SUGCT: variants seen among roughly 807,000 people sequenced by gnomAD.
SUGCT encodes the protein succinyl-CoA:glutarate-CoA transferase, also known as succinyl-CoA:glutarate CoA-transferase.
In SUGCT, 41 loss-of-function variants were observed where a neutral mutation model predicts 55.0. The ratio of observed to expected loss-of-function variants is 0.74; its 90% CI spans 0.58 to 0.97. The LOEUF is 0.97. Among genes scored for constraint, SUGCT ranks in the 50% least tolerant of loss-of-function variants. SUGCT has a pLI of 0.00. For synonymous variants in SUGCT, 187 were observed against 200.4 expected (o/e 0.93, Z 0.56); for missense variants, 568 against 547.8 (o/e 1.04, Z -0.37).
At chr7:40,367,928 T>G (rs1784094647) in intron 9 of SUGCT, among the ~76,000 whole-genome samples, 1 of 152,070 alleles carries the variant, frequency 6.6e-6, no homozygotes, top group Admixed American at 6.6e-5. Flanking sequence ...ACCATTCTCC[T>G]CCTCCTTCAT....
At chr7:40,913,098 C>T in the SUGCT span, among the ~76,000 whole-genome samples, 3 of 149,800 alleles carry the variant, frequency 2.0e-5, no homozygotes, top group African/African-American at 7.4e-5. Flanking sequence ...GCAACCTCTG[C>T]CTCCCGGGTT....
chr7:40,660,299 C>A (rs528726412), intron 12 of SUGCT, among the ~76,000 whole-genome samples: 1 of 152,222 alleles, frequency 6.6e-6, no homozygotes, highest in East Asian at 1.9e-4. Flanking sequence ...TGCTCTGTCA[C>A]CCAGGCTGGA....
intron 7 of SUGCT, among the ~76,000 whole-genome samples, chr7:40,250,397 CT>C (rs113538451): frequency 0.13 from 18,424 of 144,620 alleles, 1,279 homozygotes; most frequent in Non-Finnish European, 0.18. Flanking sequence ...AAGATCTTGT[CT>C]TTTTTTTTTT....
chr7:40,658,060 G>C (rs181266383), intron 12 of SUGCT, among the ~76,000 whole-genome samples: 21 of 152,222 alleles, frequency 1.4e-4, no homozygotes, highest in African/African-American at 4.8e-4. Context: ...AACAACTTAG[G>C]TGAAAGGGAA....
At chr7:40,556,046 A>C (rs1795546833) in intron 12 of SUGCT, among the ~76,000 whole-genome samples, 1 of 152,110 alleles carries the variant, frequency 6.6e-6, no homozygotes, top group Non-Finnish European at 1.5e-5. Context: ...AGGGGAGTGT[A>C]TTGGTCTCAT....
chr7:40,859,721 A>G (rs1328430070), intron 13 of SUGCT, among the ~76,000 whole-genome samples: 1 of 152,242 alleles, frequency 6.6e-6, no homozygotes, highest in Non-Finnish European at 1.5e-5. Flanking sequence ...AATTCATCCA[A>G]GATGGCTCTG....
chr7:40,242,923 ATATATATATATTT>A (rs1467944654), intron 7 of SUGCT, among the ~76,000 whole-genome samples: 2 of 25,288 alleles, frequency 7.9e-5, no homozygotes, highest in African/African-American at 2.8e-4. Context: ...ATATATATAT[ATATATATATATTT>A]TTTTTTTTTT....
chr7:40,436,885 A>C (rs1788205443), intron 9 of SUGCT, among the ~76,000 whole-genome samples: 1 of 152,158 alleles, frequency 6.6e-6, no homozygotes, highest in Non-Finnish European at 1.5e-5. Context: ...TTGCTGAAAA[A>C]TCAATATGGT....
chr7:40,942,388 C>T, the SUGCT span, among the ~76,000 whole-genome samples: 15 of 152,126 alleles, frequency 9.9e-5, no homozygotes, highest in African/African-American at 3.6e-4. Flanking sequence ...AAAGATAGGA[C>T]CCCAGTCCCT....
the SUGCT span, among the ~76,000 whole-genome samples, chr7:41,021,340 A>C: frequency 6.6e-6 from 1 of 151,958 alleles, no homozygotes; most frequent in East Asian, 1.9e-4. Context: ...GAAAACAGAC[A>C]TTTTCCTTAT....
intron 12 of SUGCT, among the ~76,000 whole-genome samples, chr7:40,619,341 G>C (rs1447597314): frequency 6.6e-6 from 1 of 152,148 alleles, no homozygotes; most frequent in Admixed American, 6.5e-5. Context: ...TAGTAGGCCA[G>C]TATATTTAAA....
intron 8 of SUGCT, among the ~76,000 whole-genome samples, chr7:40,276,918 G>A (rs542194986): frequency 1.3e-5 from 2 of 152,048 alleles, no homozygotes; most frequent in South Asian, 4.1e-4. Flanking sequence ...GTGTACCATG[G>A]TATCCTCAAT....
intron 8 of SUGCT, among the ~76,000 whole-genome samples, chr7:40,302,250 ACCACCTGTTATTCTTC>A (rs1360468302): frequency 6.6e-6 from 1 of 151,992 alleles, no homozygotes; most frequent in African/African-American, 2.4e-5. Context: ...TAGACATCAC[ACCACCTGTTATTCTTC>A]CCACCTGTTT....
chr7:40,706,839 G>A (rs1273958214), intron 12 of SUGCT, among the ~76,000 whole-genome samples: 1 of 152,212 alleles, frequency 6.6e-6, no homozygotes, highest in Non-Finnish European at 1.5e-5. Flanking sequence ...GCATTTAGAA[G>A]GCTAGGTTAT....
intron 13 of SUGCT, among the ~76,000 whole-genome samples, chr7:40,754,350 G>A (rs1175275029): frequency 6.6e-6 from 1 of 152,172 alleles, no homozygotes; most frequent in Non-Finnish European, 1.5e-5. Flanking sequence ...CTTAATGATA[G>A]AAGTGTCAGC....
chr7:41,005,370 C>T, the SUGCT span, among the ~76,000 whole-genome samples: 1 of 152,042 alleles, frequency 6.6e-6, no homozygotes, highest in Non-Finnish European at 1.5e-5. Flanking sequence ...TGCCCCATCC[C>T]CCCACCCATG....
At chr7:40,149,057 T>C (rs1387548327) in intron 1 of SUGCT, among the ~76,000 whole-genome samples, 1 of 152,198 alleles carries the variant, frequency 6.6e-6, no homozygotes, top group East Asian at 1.9e-4. Flanking sequence ...GTGGGGAACC[T>C]TGGAGAGTCC....
intron 12 of SUGCT, among the ~76,000 whole-genome samples, chr7:40,622,410 T>C (rs2151793910): frequency 6.6e-6 from 1 of 152,120 alleles, no homozygotes; most frequent in South Asian, 2.1e-4. Context: ...CTGGTGGTAA[T>C]GCCCAAAACA....
At chr7:40,548,458 T>C (rs1795129496) in intron 12 of SUGCT, among the ~76,000 whole-genome samples, 2 of 152,178 alleles carry the variant, frequency 1.3e-5, no homozygotes, top group Admixed American at 6.6e-5. Flanking sequence ...TCAGCCTTTT[T>C]AATTGCTGGG....
Sources: allele counts gnomAD v4.1 joint callset (sites outside exome capture counted in the v4.1 genomes callset), GRCh38; gene constraint gnomAD v4.1.1; transcripts MANE v1.5; gene names NCBI Gene and HGNC (gene_info 2026-07-23, HGNC 2026-07-21).